NSRP1: variants seen among roughly 807,000 people sequenced by gnomAD.
NSRP1 encodes the protein coiled-coil domain containing 55.
NSRP1 carries 24 observed loss-of-function variants against 54.7 expected under a neutral mutation model. The ratio of observed to expected loss-of-function variants is 0.44; its 90% CI spans 0.32 to 0.62. NSRP1 has a LOEUF of 0.62. Among genes scored for constraint, NSRP1 ranks in the 20% least tolerant of loss-of-function variants. The pLI is 0.06. For synonymous variants in NSRP1, 210 were observed against 213.8 expected (o/e 0.98, Z 0.15); for missense variants, 596 against 651.2 (o/e 0.92, Z 0.92).
intron 2 of NSRP1, among the ~76,000 whole-genome samples, chr17:30,119,776 T>TA (rs1295439772): frequency 6.6e-6 from 1 of 152,222 alleles, no homozygotes; most frequent in Admixed American, 6.5e-5. Context: ...GTGCTGGAAT[T>TA]ACAGGCATGA....
chr17:30,131,486 T>C (rs1017213101), intron 2 of NSRP1, among the ~76,000 whole-genome samples: 7 of 152,200 alleles, frequency 4.6e-5, no homozygotes, highest in African/African-American at 1.4e-4. Context: ...TGTTTCCTAG[T>C]GTATATAAAA....
chr17:30,178,814 T>A lies in NSRP1; in HGVS notation c.301-276T>A, dbSNP rs562388541. ...AGCAGGAACTTTTCTGATTTTTTTT[T>A]AATTAAGATAATACCAGAAAAAAGA... On this transcript the variant is annotated intron_variant, in intron 4 of 6. Coordinates refer to ENST00000247026, the MANE Select transcript of NSRP1 (RefSeq NM_032141.4). Among the ~76,000 whole-genome samples the A allele has an allele frequency of 6.6e-5, 10 of 152,236 alleles. No individual in the cohort carries two copies. The East Asian group carries it at 1.5e-3, about 23-fold the overall frequency.
At chr17:30,180,215 C>T (rs145600256) in intron 5 of NSRP1, among the ~76,000 whole-genome samples, 194 of 152,164 alleles carry the variant, frequency 1.3e-3, no homozygotes, top group African/African-American at 4.5e-3. Context: ...GGAGTGCAGT[C>T]GTATGATCTT....
intron 2 of NSRP1, among the ~76,000 whole-genome samples, chr17:30,172,014 T>TCTCTCTCTCTCTCTCTCTCACA (rs144705088): frequency 1.4e-4 from 18 of 131,172 alleles, no homozygotes; most frequent in East Asian, 5.2e-4. Flanking sequence ...TCTCTCTCTC[T>TCTCTCTCTCTCTCTCTCTCACA]CACATGTTCA....
chr17:30,118,113 G>T lies in NSRP1; in HGVS notation c.54G>T (p.Gln18His). ...YGLILPKKTQ[Q>H]LHPVLQKPSV... ...TTATTTTGCCAAAGAAAACACAGCA[G>T]TTGCACCCTGTTTTGCAAAAACCAT... Residue 18 changes from glutamine (Q) to histidine (H), a missense_variant, in exon 2 of 7, where the codon CAG (glutamine) becomes CAT (histidine). Gln to His is a conservative substitution (Grantham distance 24). Coordinates refer to ENST00000247026, the MANE Select transcript of NSRP1 (RefSeq NM_032141.4). 6.2e-7 allele frequency: 1 copy of T among 1,613,866 alleles called. No homozygotes were observed. The highest frequency in any genetic ancestry group is 8.5e-7 in the Non-Finnish European group (1 of 1,179,852).
At chr17:30,127,772 A>G (rs1305046788) in intron 2 of NSRP1, 1 of 368,844 alleles carries the variant, frequency 2.7e-6, no homozygotes, top group Admixed American at 4.6e-5. Context: ...AGAGAGTATT[A>G]AGTTTAGATA....
At chr17:30,171,972 A>ACACACACCCTCTCT (rs1169988659) in intron 2 of NSRP1, among the ~76,000 whole-genome samples, 1 of 46,588 alleles carries the variant, frequency 2.1e-5, no homozygotes, top group South Asian at 8.1e-4. Context: ...ACACACACAC[A>ACACACACCCTCTCT]CTCCCTCTCT....
At chr17:30,168,622 ATAAG>A (rs1354846505) in intron 2 of NSRP1, among the ~76,000 whole-genome samples, 2 of 149,378 alleles carry the variant, frequency 1.3e-5, no homozygotes, top group Admixed American at 6.7e-5. Context: ...ATAAAATAAA[ATAAG>A]TATCTGCTCT....
At chr17:30,168,054 T>TA (rs1159565867) in intron 2 of NSRP1, 1 of 152,224 alleles carries the variant, frequency 6.6e-6, no homozygotes, top group African/African-American at 2.4e-5. Context: ...TATAGGCTAT[T>TA]TGTACCTTTC....
intron 2 of NSRP1, among the ~76,000 whole-genome samples, chr17:30,125,376 A>G (rs981427115): frequency 5.9e-5 from 9 of 152,214 alleles, no homozygotes; most frequent in Non-Finnish European, 8.8e-5. Context: ...GCTGCTATGA[A>G]GCCAATTTAT....
At chr17:30,183,682 T>A (rs1419771140) in intron 6 of NSRP1, among the ~76,000 whole-genome samples, 1 of 152,222 alleles carries the variant, frequency 6.6e-6, no homozygotes, top group Non-Finnish European at 1.5e-5. Flanking sequence ...ATACTCATAC[T>A]ATAAAGTTAA....
chr17:30,146,916 G>T (rs2071860961), intron 2 of NSRP1, among the ~76,000 whole-genome samples: 1 of 152,162 alleles, frequency 6.6e-6, no homozygotes. Flanking sequence ...GTAATAGTTT[G>T]TTTAAACCAT....
chr17:30,119,512 C>T (rs895049216), intron 2 of NSRP1, among the ~76,000 whole-genome samples: 3 of 151,228 alleles, frequency 2.0e-5, no homozygotes, highest in Non-Finnish European at 3.0e-5. Flanking sequence ...TGCCCAGCCT[C>T]TTTTTTTTGA....
intron 2 of NSRP1, among the ~76,000 whole-genome samples, chr17:30,149,803 C>G (rs1190811718): frequency 6.7e-6 from 1 of 148,572 alleles, no homozygotes; most frequent in African/African-American, 2.5e-5. Flanking sequence ...CCACTATACT[C>G]CAGCCTGAGT....
intron 2 of NSRP1, among the ~76,000 whole-genome samples, chr17:30,120,066 C>A (rs1017558068): frequency 6.6e-6 from 1 of 152,150 alleles, no homozygotes; most frequent in Non-Finnish European, 1.5e-5. Flanking sequence ...TCCCCACTTG[C>A]TACCCCAGAC....
At chr17:30,177,734 T>G (rs1905175312) in intron 3 of NSRP1, among the ~76,000 whole-genome samples, 1 of 152,244 alleles carries the variant, frequency 6.6e-6, no homozygotes, top group African/African-American at 2.4e-5. Flanking sequence ...TTGATGTTTA[T>G]TGAATACTTA....
At chr17:30,164,219 C>G (rs1270008768) in intron 2 of NSRP1, among the ~76,000 whole-genome samples, 1 of 151,996 alleles carries the variant, frequency 6.6e-6, no homozygotes, top group Non-Finnish European at 1.5e-5. Flanking sequence ...TTTTGTAGCA[C>G]CTAGCCTAAG....
chr17:30,182,607 A>G (rs1489571207), intron 6 of NSRP1, among the ~76,000 whole-genome samples: 4 of 151,940 alleles, frequency 2.6e-5, no homozygotes, highest in Non-Finnish European at 5.9e-5. Flanking sequence ...GCGCCACTGC[A>G]CTCCAACCTG....
intron 2 of NSRP1, among the ~76,000 whole-genome samples, chr17:30,129,963 A>C (rs546481065): frequency 2.0e-4 from 31 of 152,344 alleles, no homozygotes; most frequent in African/African-American, 7.0e-4. Context: ...AATTTGCTAA[A>C]ATTTCATCCT....
Sources: gnomAD v4.1 joint callset for allele counts (sites outside exome capture counted in the v4.1 genomes callset) on GRCh38, gnomAD v4.1.1 for gene constraint, MANE v1.5 for transcripts, NCBI Gene and HGNC (gene_info 2026-07-23, HGNC 2026-07-21) for gene names.